The following CREB5 variants were observed in gnomAD, a reference collection of about 807,000 sequenced individuals.
CREB5 encodes the protein cAMP responsive element binding protein 5, also known as cyclic AMP-responsive element-binding protein 5.
In CREB5, 19 loss-of-function variants were observed where a neutral mutation model predicts 57.1. That is an observed-to-expected ratio of 0.33 (90% CI 0.23 to 0.49). The LOEUF (loss-of-function observed/expected upper bound fraction) is 0.49, where lower values mean the gene tolerates loss of function less well. Among genes scored for constraint, CREB5 ranks in the 20% least tolerant of loss-of-function variants. The pLI, the probability that CREB5 is intolerant of heterozygous loss-of-function variation, is 0.99. For missense variants in CREB5, 579 were observed against 671.6 expected (o/e 0.86, Z 1.52); for synonymous variants, 238 against 238.3 (o/e 1.00, Z 0.01).
intron 1 of CREB5, among the ~76,000 whole-genome samples, chr7:28,338,372 G>A (rs564164831): frequency 1.3e-5 from 2 of 152,044 alleles, no homozygotes; most frequent in East Asian, 3.9e-4. Context: ...CATGTTTGAG[G>A]GATATTTTCA....
intron 5 of CREB5, among the ~76,000 whole-genome samples, chr7:28,674,941 C>T (rs573971891): frequency 1.3e-4 from 20 of 152,298 alleles, no homozygotes; most frequent in African/African-American, 4.6e-4. Context: ...ACCGCTTTTC[C>T]CTCTCTTTCT....
chr7:28,481,804 A>G (rs1403793053), intron 1 of CREB5, among the ~76,000 whole-genome samples: 4 of 152,168 alleles, frequency 2.6e-5, no homozygotes, highest in Non-Finnish European at 5.9e-5. Context: ...AGACAAACAC[A>G]CAAAGAGAGG....
At chr7:28,614,555 A>G (rs1797524950) in intron 5 of CREB5, among the ~76,000 whole-genome samples, 1 of 152,158 alleles carries the variant, frequency 6.6e-6, no homozygotes, top group Non-Finnish European at 1.5e-5. Context: ...GACACTGCTT[A>G]TGCCTCACCC....
chr7:28,777,235 C>T (rs1175470473), intron 7 of CREB5, among the ~76,000 whole-genome samples: 3 of 152,154 alleles, frequency 2.0e-5, no homozygotes, highest in East Asian at 1.9e-4. Flanking sequence ...TTTAGTGTTC[C>T]GAACCTTAAA....
chr7:28,515,161 A>T (rs1792890610), intron 4 of CREB5, among the ~76,000 whole-genome samples: 1 of 152,212 alleles, frequency 6.6e-6, no homozygotes, highest in Admixed American at 6.5e-5. Context: ...GGGCCTCTTC[A>T]GTTAACTGGG....
intron 5 of CREB5, among the ~76,000 whole-genome samples, chr7:28,700,148 A>G (rs1039682317): frequency 1.3e-5 from 2 of 152,290 alleles, no homozygotes; most frequent in South Asian, 2.1e-4. Context: ...CTTTGTTGAC[A>G]TATTTTAACA....
chr7:28,337,186 G>C (rs146565668), intron 1 of CREB5, among the ~76,000 whole-genome samples: 5 of 152,192 alleles, frequency 3.3e-5, no homozygotes, highest in African/African-American at 1.2e-4. Flanking sequence ...TGGATGAAAA[G>C]TTCTGAAATA....
chr7:28,743,225 G>C (rs898847382), intron 7 of CREB5, among the ~76,000 whole-genome samples: 9 of 152,152 alleles, frequency 5.9e-5, no homozygotes, highest in African/African-American at 1.9e-4. Context: ...GTGGACATTA[G>C]AAAACTTAGA....
intron 5 of CREB5, among the ~76,000 whole-genome samples, chr7:28,601,709 G>A (rs1796925775): frequency 6.6e-6 from 1 of 152,222 alleles, no homozygotes; most frequent in African/African-American, 2.4e-5. Context: ...TGGTTGCACT[G>A]GAAACATTTC....
At chr7:28,300,887 G>A (rs898306637) in intron 1 of CREB5, among the ~76,000 whole-genome samples, 3 of 152,110 alleles carry the variant, frequency 2.0e-5, no homozygotes, top group African/African-American at 7.2e-5. Context: ...CAAAACCTTG[G>A]AACTTGTCAT....
intron 7 of CREB5, among the ~76,000 whole-genome samples, chr7:28,783,367 C>T (rs899929734): frequency 4.6e-5 from 7 of 151,758 alleles, no homozygotes; most frequent in Non-Finnish European, 1.5e-5. Flanking sequence ...TTTTTTTTGT[C>T]CACAATGTCA....
intron 1 of CREB5, among the ~76,000 whole-genome samples, chr7:28,308,224 A>G (rs938908007): frequency 8.5e-5 from 13 of 152,238 alleles, no homozygotes; most frequent in South Asian, 2.1e-4. Context: ...CCTTTAAAAA[A>G]ATGGGACTGA....
intron 1 of CREB5, among the ~76,000 whole-genome samples, chr7:28,445,558 T>C (rs374771855): frequency 3.3e-5 from 5 of 152,070 alleles, no homozygotes; most frequent in African/African-American, 1.2e-4. Flanking sequence ...TTTTCTTTTT[T>C]TTTTTTTATT....
In CREB5 at chr7:28,824,726, AAG is replaced by A. The variant is rs1241998084; in HGVS notation, c.*5450_*5451del. On this transcript the variant is annotated 3_prime_UTR_variant, in exon 11 of 11. Transcript: ENST00000357727. The stretch of plus-strand genomic sequence containing the variant: ...GTAATGCTTGTAGCCAAATTGCTTA[AAG>A]AGTGTTTATATATTTTTTTCCTTAT... 1.3e-5 allele frequency: 2 copies of A among 152,664 alleles called. No individual in the cohort carries two copies. The highest frequency in any genetic ancestry group is 2.9e-5 in the Non-Finnish European group (2 of 68,052). 9.5% of individuals were successfully genotyped at this position (152,664 alleles called of 1,614,324 possible). A position where few individuals can be genotyped will look rare whatever the true frequency, so the allele number is the denominator to read the frequency against.
chr7:28,614,963 C>A (rs1387110819), intron 5 of CREB5: 2 of 152,240 alleles, frequency 1.3e-5, no homozygotes, highest in Non-Finnish European at 2.9e-5. Context: ...AATACCATTT[C>A]TCCACCTAAA....
chr7:28,560,797 AGTGTGTGTGCGCGTGT>A lies in CREB5; in HGVS notation c.292-9554_292-9539del, dbSNP rs1265839836. Among the ~76,000 whole-genome samples, 2 of 86,550 alleles carry A rather than the reference AGTGTGTGTGCGCGTGT, an allele frequency of 2.3e-5. 1 individual carries two copies. Among genetic ancestry groups the A allele is most frequent in the Non-Finnish European group, 4.9e-5 (2 of 40,630 alleles). 56.8% of individuals were successfully genotyped at this position (86,550 alleles called of 152,430 possible). On this transcript the variant is annotated intron_variant, in intron 4 of 10. Coordinates refer to ENST00000357727, the MANE Select transcript of CREB5 (RefSeq NM_182898.4). ...GTGACACATCTTTCTCTGCTTCCAC[AGTGTGTGTGCGCGTGT>A]GTGTGTGTGCGCGCGCGCGCGTGTG...
intron 5 of CREB5, among the ~76,000 whole-genome samples, chr7:28,695,653 T>A (rs201330604): frequency 2.0e-5 from 3 of 152,150 alleles, no homozygotes; most frequent in African/African-American, 7.2e-5. Flanking sequence ...GGAGTCCAGC[T>A]CTTTGCTTCC....
intron 1 of CREB5, among the ~76,000 whole-genome samples, chr7:28,425,587 T>C (rs1024123079): frequency 3.3e-5 from 5 of 152,196 alleles, no homozygotes; most frequent in African/African-American, 1.2e-4. Context: ...AATTGTATGG[T>C]ATGTGAATTA....
At chr7:28,302,052 T>C (rs1371826815) in intron 1 of CREB5, among the ~76,000 whole-genome samples, 1 of 152,198 alleles carries the variant, frequency 6.6e-6, no homozygotes, top group Admixed American at 6.5e-5. Flanking sequence ...ATAGATAAAC[T>C]CAGAGAATAT....
Sources: allele counts gnomAD v4.1 joint callset (sites outside exome capture counted in the v4.1 genomes callset), GRCh38; gene constraint gnomAD v4.1.1; transcripts MANE v1.5; gene names NCBI Gene and HGNC (gene_info 2026-07-23, HGNC 2026-07-21).